The following MAST4 variants were observed in gnomAD, a reference collection of about 807,000 sequenced individuals.
MAST4 encodes microtubule associated serine/threonine kinase family member 4, also known as microtubule-associated serine/threonine-protein kinase 4.
MAST4 carries 89 observed loss-of-function variants against 162.7 expected under a neutral mutation model. The observed-to-expected ratio is 0.55, with a 90% confidence interval of 0.46 to 0.65. The LOEUF (loss-of-function observed/expected upper bound fraction) is 0.65. MAST4 is among the 30% of genes least tolerant of loss of function. MAST4 has a pLI of 0.00. For missense variants in MAST4, 3,153 were observed against 3,374.0 expected, an observed-to-expected ratio of 0.93 and a Z score of 1.62; for synonymous variants, 1,479 against 1,361.1, an observed-to-expected ratio of 1.09 and a Z score of -1.91.
chr5:66,935,262 A>G (rs1466160601), intron 4 of MAST4, among the ~76,000 whole-genome samples: 1 of 152,150 alleles, frequency 6.6e-6, no homozygotes, highest in Non-Finnish European at 1.5e-5. Flanking sequence ...AGGCATCCCC[A>G]TTTCTCAACT....
chr5:66,621,118 G>A (rs76053451), intron 1 of MAST4, among the ~76,000 whole-genome samples: 4,843 of 152,128 alleles, frequency 0.032, 243 homozygotes, highest in African/African-American at 0.11. Flanking sequence ...TTTTTGTTCT[G>A]AGGGATCAGA....
Position 67,017,728 on chromosome 5 carries a change from C to T in MAST4, c.675-36676C>T, listed in dbSNP as rs114381709. Reference sequence around the variant, plus strand: ...AAGTGATTCGCCTGCCTCGGCCTCCCGAGTAGCTTACAGGTGTGCGCCACT... The same window carrying T: ...AAGTGATTCGCCTGCCTCGGCCTCCTGAGTAGCTTACAGGTGTGCGCCACT... On this transcript the variant is annotated intron_variant, in intron 4 of 28. Transcript: ENST00000403625. Among the ~76,000 whole-genome samples, 408 of 151,780 alleles carry T rather than the reference C, an allele frequency of 2.7e-3. 2 individuals are homozygous for T. Among genetic ancestry groups the T allele is most frequent in the African/African-American group, 8.1e-3 (334 of 41,398 alleles).
At chr5:66,927,421 G>A (rs1219513024) in intron 4 of MAST4, among the ~76,000 whole-genome samples, 2 of 152,122 alleles carry the variant, frequency 1.3e-5, no homozygotes, top group Non-Finnish European at 2.9e-5. Context: ...TGAAATTTAG[G>A]TACCCAATTT....
At chr5:66,998,679 A>G (rs1750940316) in intron 4 of MAST4, among the ~76,000 whole-genome samples, 2 of 151,966 alleles carry the variant, frequency 1.3e-5, no homozygotes, top group Admixed American at 6.6e-5. Context: ...TTCACCCCCA[A>G]TCCTTTCTCT....
intron 3 of MAST4, among the ~76,000 whole-genome samples, chr5:66,865,967 T>C (rs1760485377): frequency 6.7e-6 from 1 of 149,212 alleles, no homozygotes; most frequent in Non-Finnish European, 1.5e-5. Flanking sequence ...CCCAGCTACT[T>C]GGGAGACTGA....
chr5:67,111,965 G>A (rs1328645483), intron 11 of MAST4, among the ~76,000 whole-genome samples: 1 of 151,904 alleles, frequency 6.6e-6, no homozygotes, highest in African/African-American at 2.4e-5. Flanking sequence ...ACCCAGGCTT[G>A]CTCTGTCAGT....
chr5:66,926,630 A>G (rs1258497052), intron 4 of MAST4, among the ~76,000 whole-genome samples: 1 of 151,850 alleles, frequency 6.6e-6, no homozygotes, highest in Non-Finnish European at 1.5e-5. Flanking sequence ...ATGTGTGTAT[A>G]TATGTATATA....
intron 3 of MAST4, among the ~76,000 whole-genome samples, chr5:66,875,241 C>T (rs1408801990): frequency 6.6e-6 from 1 of 152,118 alleles, no homozygotes; most frequent in Non-Finnish European, 1.5e-5. Flanking sequence ...AGACTGGTTG[C>T]CATAATTATT....
chr5:67,049,793 T>TG (rs1254694578), intron 4 of MAST4, among the ~76,000 whole-genome samples: 1 of 152,172 alleles, frequency 6.6e-6, no homozygotes, highest in Non-Finnish European at 1.5e-5. Flanking sequence ...TGGTCAGAAA[T>TG]GATCAGAATT....
intron 3 of MAST4, among the ~76,000 whole-genome samples, chr5:66,803,061 T>A (rs1014232707): frequency 1.3e-5 from 2 of 152,198 alleles, no homozygotes. Flanking sequence ...CTCTGTAATT[T>A]TGGACATCTG....
At chr5:66,847,820 CAAAAA>C (rs777825639) in intron 3 of MAST4, among the ~76,000 whole-genome samples, 48 of 54,144 alleles carry the variant, frequency 8.9e-4, no homozygotes, top group Non-Finnish European at 1.0e-3. Flanking sequence ...GACTCCTTCT[CAAAAA>C]AAAAAAAAAA....
At chr5:66,653,424 G>A (rs1300053380) in intron 1 of MAST4, among the ~76,000 whole-genome samples, 1 of 152,172 alleles carries the variant, frequency 6.6e-6, no homozygotes, top group Non-Finnish European at 1.5e-5. Flanking sequence ...TCCTGTAACT[G>A]CTGGGCCAGC....
At chr5:66,781,580 C>T (rs576803634) in intron 2 of MAST4, among the ~76,000 whole-genome samples, 2 of 152,258 alleles carry the variant, frequency 1.3e-5, no homozygotes, top group South Asian at 2.1e-4. Flanking sequence ...CCCTTGAGAG[C>T]GATATCTGGG....
At chr5:66,738,069 C>T (rs1465980602) in intron 1 of MAST4, 1 of 152,226 alleles carries the variant, frequency 6.6e-6, no homozygotes, top group Non-Finnish European at 1.5e-5. Flanking sequence ...CAGATTTTTA[C>T]TGAATGCCTA....
intron 1 of MAST4, among the ~76,000 whole-genome samples, chr5:66,602,430 C>T (rs943755351): frequency 6.6e-6 from 1 of 152,090 alleles, no homozygotes; most frequent in Non-Finnish European, 1.5e-5. Context: ...AAATACTTAA[C>T]ATTTTGCCAG....
At chr5:66,976,661 G>A (rs987407820) in intron 4 of MAST4, among the ~76,000 whole-genome samples, 4 of 152,210 alleles carry the variant, frequency 2.6e-5, no homozygotes, top group Non-Finnish European at 4.4e-5. Flanking sequence ...AAGGGATTCC[G>A]TAGGCTCTAG....
chr5:66,905,704 TA>T (rs1763314688), intron 4 of MAST4, among the ~76,000 whole-genome samples: 1 of 152,142 alleles, frequency 6.6e-6, no homozygotes, highest in Non-Finnish European at 1.5e-5. Context: ...TTGATACATG[TA>T]AATTATGCAT....
chr5:67,053,885 C>G (rs1290386355), intron 4 of MAST4, among the ~76,000 whole-genome samples: 1 of 152,070 alleles, frequency 6.6e-6, no homozygotes, highest in Non-Finnish European at 1.5e-5. Flanking sequence ...ATGCCATATA[C>G]AAGATGAAAA....
chr5:66,953,214 G>T (rs1402450120), intron 4 of MAST4, among the ~76,000 whole-genome samples: 1 of 152,138 alleles, frequency 6.6e-6, no homozygotes, highest in Non-Finnish European at 1.5e-5. Flanking sequence ...GAACACGATT[G>T]CCCTAAGATT....
Sources: allele counts gnomAD v4.1 joint callset (sites outside exome capture counted in the v4.1 genomes callset), GRCh38; gene constraint gnomAD v4.1.1; transcripts MANE v1.5; gene names NCBI Gene and HGNC (gene_info 2026-07-23, HGNC 2026-07-21).